Variants in RGS7 observed in about 807,000 individuals in gnomAD.
RGS7 encodes the protein regulator of G protein signaling 7, also known as regulator of G-protein signaling 7.
RGS7 carries 27 observed loss-of-function variants against 81.1 expected under a neutral mutation model. The observed-to-expected ratio is 0.33, with a 90% CI of 0.25 to 0.46. The LOEUF is 0.46. Ranked by LOEUF, RGS7 falls within the 20% of genes least tolerant of loss-of-function variation. RGS7 has a pLI of 1.00. For missense variants in RGS7, 396 were observed against 607.4 expected, an observed-to-expected ratio of 0.65 and a Z score of 3.66; for synonymous variants, 208 against 207.7, an observed-to-expected ratio of 1.00 and a Z score of -0.01.
At chr1:241,116,283 A>T (rs1313408663) in intron 2 of RGS7, among the ~76,000 whole-genome samples, 1 of 152,206 alleles carries the variant, frequency 6.6e-6, no homozygotes, top group Non-Finnish European at 1.5e-5. Flanking sequence ...GAATACAGTG[A>T]GCCACAGGTA....
chr1:241,015,967 CT>C (rs1558599646), intron 3 of RGS7, among the ~76,000 whole-genome samples: 1 of 152,184 alleles, frequency 6.6e-6, no homozygotes. Flanking sequence ...AACAAATTCA[CT>C]TTAGTGTGTA....
At chr1:240,832,574 A>G (rs1694024907) in intron 9 of RGS7, among the ~76,000 whole-genome samples, 1 of 152,238 alleles carries the variant, frequency 6.6e-6, no homozygotes, top group Admixed American at 6.5e-5. Flanking sequence ...AAGCATCTAA[A>G]TGCCATTTAG....
chr1:241,341,870 C>CTTT lies in RGS7; in HGVS notation c.78+13826_78+13828dup, dbSNP rs35903618. Among the ~76,000 whole-genome samples the CTTT allele has an allele frequency of 4.5e-3, 404 of 89,512 alleles. 9 individuals are homozygous for CTTT. Among genetic ancestry groups the CTTT allele is most frequent in the South Asian group, 6.1e-3 (15 of 2,466 alleles). The allele number at this position is 89,512 out of a possible 152,430, so 58.7% of individuals were successfully genotyped here. On this transcript the variant is annotated intron_variant, in intron 2 of 18. Coordinates refer to ENST00000440928, the MANE Select transcript of RGS7 (RefSeq NM_001364886.1). ...AGGTACAAGTAGACACTCTTCAACT[C>CTTT]TTTTTTTTTTTTTTTTTTTTTTTTG...
chr1:241,232,150 T>C (rs1448985432), intron 2 of RGS7, among the ~76,000 whole-genome samples: 2 of 152,088 alleles, frequency 1.3e-5, no homozygotes, highest in Non-Finnish European at 2.9e-5. Context: ...TAAAGGCTTA[T>C]TTTGGGATCT....
intron 2 of RGS7, among the ~76,000 whole-genome samples, chr1:241,324,370 A>C (rs578157389): frequency 6.6e-6 from 1 of 152,192 alleles, no homozygotes; most frequent in African/African-American, 2.4e-5. Flanking sequence ...TTTACTTAAA[A>C]CCTAGATTCT....
chr1:241,266,918 C>G (rs1390070490), intron 2 of RGS7, among the ~76,000 whole-genome samples: 1 of 152,180 alleles, frequency 6.6e-6, no homozygotes, highest in East Asian at 1.9e-4. Flanking sequence ...ATTGTACTTA[C>G]AAGACCAATC....
chr1:240,957,353 G>A (rs1479015213), intron 4 of RGS7, among the ~76,000 whole-genome samples: 1 of 152,180 alleles, frequency 6.6e-6, no homozygotes. Context: ...AGGCTGCACT[G>A]TCAGCTTCCC....
rs1253511537 is a variant in RGS7, at chr1:241,164,203, C to T, written c.79-65441G>A. On this transcript the variant is annotated intron_variant, in intron 2 of 18. Transcript: ENST00000440928. The surrounding 1 kb of genome is among the most constrained non-coding windows in gnomAD (Gnocchi z 4.1). ...AGGGTTGTGGAGCTTCCATGACCTT[C>T]CTGAATGGCTCCACCCTCCAGGAAC... Among the ~76,000 whole-genome samples, 1 of 151,714 alleles carries T rather than the reference C, an allele frequency of 6.6e-6. No individual in the cohort carries two copies. The highest frequency in any genetic ancestry group is 1.9e-4 in the East Asian group (1 of 5,166).
intron 3 of RGS7, among the ~76,000 whole-genome samples, chr1:241,083,285 A>G (rs1321589335): frequency 6.6e-6 from 1 of 151,166 alleles, no homozygotes; most frequent in Non-Finnish European, 1.5e-5. Context: ...AAACAAAACA[A>G]GACAAAAAAA....
At chr1:241,182,920 C>T (rs908985917) in intron 2 of RGS7, among the ~76,000 whole-genome samples, 8 of 150,492 alleles carry the variant, frequency 5.3e-5, no homozygotes, top group East Asian at 2.0e-4. Flanking sequence ...GTGATCCACC[C>T]GCCTCAGCCT....
In RGS7 at chr1:240,914,031, T is replaced by C. The variant is rs182560341; in HGVS notation, c.385+16686A>G. Among the ~76,000 whole-genome samples, 550 of 151,726 alleles carry C rather than the reference T, an allele frequency of 3.6e-3. 5 individuals carry two copies. Among genetic ancestry groups the C allele is most frequent in the African/African-American group, 0.013 (536 of 41,388 alleles). On this transcript the variant is annotated intron_variant, in intron 6 of 18. Coordinates refer to ENST00000440928, the MANE Select transcript of RGS7 (RefSeq NM_001364886.1). ...CACCCATTAACTCGTCATCTAGCAT[T>C]AGGTATATCTCCCAATGCTATCCCT...
At chr1:241,308,172 G>A (rs1331152034) in intron 2 of RGS7, among the ~76,000 whole-genome samples, 1 of 152,010 alleles carries the variant, frequency 6.6e-6, no homozygotes. Context: ...GGGGAATGAG[G>A]GGGACATTGA....
At chr1:240,851,339 C>A (rs542544184) in intron 9 of RGS7, among the ~76,000 whole-genome samples, 2 of 152,172 alleles carry the variant, frequency 1.3e-5, no homozygotes, top group African/African-American at 4.8e-5. Context: ...CTGTTTACAT[C>A]GTCATTTACT....
rs114748363 is a variant in RGS7 at position 240,895,078 on chromosome 1, T to C, written c.386-24959A>G. Among the ~76,000 whole-genome samples, 865 of 152,088 alleles carry C rather than the reference T, an allele frequency of 5.7e-3. 11 individuals are homozygous for C. The highest frequency in any genetic ancestry group is 0.02 in the African/African-American group (818 of 41,494). ...CTCGTGAGATCTGGTCATCTAAAAG[T>C]GTGTGGCCCTTCCCCCTCACTCTCT... On this transcript the variant is annotated intron_variant, in intron 6 of 18. Transcript: ENST00000440928.
intron 2 of RGS7, among the ~76,000 whole-genome samples, chr1:241,232,822 C>A (rs1253637475): frequency 6.6e-6 from 1 of 152,130 alleles, no homozygotes; most frequent in Non-Finnish European, 1.5e-5. Flanking sequence ...TAATTTTTCA[C>A]ATCCATGTTT....
chr1:241,248,622 C>A (rs372664781), intron 2 of RGS7, among the ~76,000 whole-genome samples: 2 of 151,494 alleles, frequency 1.3e-5, no homozygotes, highest in East Asian at 3.9e-4. Context: ...TTTAAAATTT[C>A]TTCTATCTCC....
intron 18 of RGS7, among the ~76,000 whole-genome samples, chr1:240,786,313 A>G (rs1030926364): frequency 6.6e-6 from 1 of 152,164 alleles, no homozygotes; most frequent in Admixed American, 6.6e-5. Context: ...TATACTGTGC[A>G]TGGTACTATG....
chr1:241,266,369 G>A (rs1392253946), intron 2 of RGS7, among the ~76,000 whole-genome samples: 9 of 152,138 alleles, frequency 5.9e-5, no homozygotes, highest in Admixed American at 5.9e-4. Context: ...CAAAATAATT[G>A]GGTGCCTCAT....
Position 241,249,168 on chromosome 1 carries a change from A to G in RGS7, c.78+106531T>C, listed in dbSNP as rs370653637. On this transcript the variant is annotated intron_variant, in intron 2 of 18. Transcript: ENST00000440928. ...TTTTGGTTTATAGATTGTGCTTTTC[A>G]TGTTGCATGCAGGAAAACTTTGTGA... is the stretch of plus-strand genomic sequence containing the variant. Among the ~76,000 whole-genome samples the G allele has an allele frequency of 3.3e-5, 5 of 152,188 alleles. No homozygotes were observed. The East Asian group carries it at 5.8e-4, about 18-fold the overall frequency.
Sources: gnomAD v4.1 joint callset for allele counts (sites outside exome capture counted in the v4.1 genomes callset) on GRCh38, gnomAD v4.1.1 for gene constraint, Gnocchi (gnomAD v3.1) non-coding constraint, MANE v1.5 for transcripts, NCBI Gene and HGNC (gene_info 2026-07-23, HGNC 2026-07-21) for gene names.